Variants in APH1A observed in about 807,000 individuals in gnomAD.
The protein encoded by APH1A is gamma-secretase subunit APH-1A.
APH1A carries 16 observed loss-of-function variants against 30.3 expected under a neutral mutation model. The ratio of observed to expected loss-of-function variants is 0.53; its 90% CI spans 0.36 to 0.80. APH1A has a LOEUF of 0.80. Among genes scored for constraint, APH1A ranks in the 30% least tolerant of loss-of-function variants. APH1A has a pLI of 0.01. For synonymous variants in APH1A, 144 were observed against 140.1 expected, an observed-to-expected ratio of 1.03 and a Z score of -0.20; for missense variants, 245 against 337.8, an observed-to-expected ratio of 0.73 and a Z score of 2.15.
chr1:150,266,884 C>T lies in APH1A; in HGVS notation c.609+191G>A. ...TCAGGCCCTCTGCATTACAGTTTGACTAATCCTTTCAACCTCCTCCCCAGA... is the reference window on the plus strand; with the variant it reads ...TCAGGCCCTCTGCATTACAGTTTGATTAATCCTTTCAACCTCCTCCCCAGA... On this transcript the variant is annotated intron_variant, in intron 5 of 6. Transcript: ENST00000369109. The T allele has an allele frequency of 2.7e-6, 3 of 1,098,240 alleles. No homozygotes were observed. The South Asian group carries it at 4.9e-5, about 18-fold the overall frequency. 68.0% of individuals were successfully genotyped at this position (1,098,240 alleles called of 1,614,324 possible).
Position 150,266,166 on chromosome 1 carries a change from C to T in APH1A, c.762G>A (p.Met254Ile), listed in dbSNP as rs1553849777. 6.2e-7 allele frequency: 1 copy of T among 1,603,976 alleles called. No individual in the cohort carries two copies. The highest frequency in any genetic ancestry group is 8.5e-7 in the Non-Finnish European group (1 of 1,175,344). Residue 254 changes from methionine (M) to isoleucine (I), a missense_variant, in exon 7 of 7, where the codon ATG becomes ATA. Physicochemically the swap from Met to Ile is conservative, Grantham distance 10. Coordinates refer to ENST00000369109, the MANE Select transcript of APH1A (RefSeq NM_001077628.3). ...LCRRQEDSRV[M>I]VYSALRIPPE... Reference sequence around the variant, plus strand: ...GTGGGATGCGCAGGGCAGAATACACCATCACCCGACTGTCCTCCTGCCGTC... The same window carrying T: ...GTGGGATGCGCAGGGCAGAATACACTATCACCCGACTGTCCTCCTGCCGTC...
In APH1A at chr1:150,266,042, C is replaced by A. The variant is rs1354581814; in HGVS notation, c.*88G>T. ...TAAACTAGGTCCCTTTTCTTGGCAA[C>A]CTGCACTGTCCAGAACTGGAGATGG... On this transcript the variant is annotated 3_prime_UTR_variant, in exon 7 of 7. Transcript: ENST00000369109. 2.1e-5 allele frequency: 31 copies of A among 1,477,366 alleles called. No homozygotes were observed. Among genetic ancestry groups the A allele is most frequent in the South Asian group, 1.0e-4 (8 of 77,062 alleles). The allele number at this position is 1,477,366 out of a possible 1,614,324, so 91.5% of individuals were successfully genotyped here.
Position 150,266,671 on chromosome 1 carries a change from A to T in APH1A, c.610-15T>A, listed in dbSNP as rs1553849987. On this transcript the variant is annotated splice_polypyrimidine_tract_variant and intron_variant, in intron 5 of 6. Transcript: ENST00000369109. ...TTCAGGAATGTCTAGGAAGGAGGGT[A>T]AGAGTAGGAAAGAGATTAGATTCTC... is the stretch of plus-strand genomic sequence containing the variant. 6.2e-7 allele frequency: 1 copy of T among 1,613,310 alleles called. No homozygotes were observed. Among genetic ancestry groups the T allele is most frequent in the Non-Finnish European group, 8.5e-7 (1 of 1,179,534 alleles).
At chr1:150,267,508 A>G (rs1344886255) in intron 3 of APH1A, 30 bp from the exon 4 acceptor site, 1 of 1,612,430 alleles carries the variant, frequency 6.2e-7, no homozygotes, top group East Asian at 2.2e-5. Flanking sequence ...CATCAATGTC[A>G]GAGATCACAC....
Position 150,265,963 on chromosome 1 carries a change from C to T in APH1A, c.*167G>A. ...CCAGTCTTGAGGGAGTACTGAGAAA[C>T]TCAGAGCTCATCTATCCTTGAGCCT... On this transcript the variant is annotated 3_prime_UTR_variant, in exon 7 of 7. Coordinates refer to ENST00000369109, the MANE Select transcript of APH1A (RefSeq NM_001077628.3). 1.2e-6 allele frequency: 1 copy of T among 810,540 alleles called. No homozygotes were observed. The allele number at this position is 810,540 out of a possible 1,614,324, so 50.2% of individuals were successfully genotyped here.
chr1:150,268,923 T>A lies in APH1A; in HGVS notation c.-113A>T. The A allele has an allele frequency of 1.1e-6, 1 of 876,624 alleles. No individual in the cohort carries two copies. The highest frequency in any genetic ancestry group is 1.7e-5 in the African/African-American group (1 of 58,562). The allele number at this position is 876,624 out of a possible 1,614,324, so 54.3% of individuals were successfully genotyped here. A position where few individuals can be genotyped will look rare whatever the true frequency, so the allele number is the denominator to read the frequency against. On this transcript the variant is annotated 5_prime_UTR_variant, in exon 1 of 7. Coordinates refer to ENST00000369109, the MANE Select transcript of APH1A (RefSeq NM_001077628.3). ...CAACGCGACCCCACGAGGGGCGCGG[T>A]GCAATGTCACCCCCAGACCCCGGGG...
At position 150,266,043 on chromosome 1, in the gene APH1A, C is replaced by G. The variant is rs1651671380; in HGVS notation, c.*87G>C. On this transcript the variant is annotated 3_prime_UTR_variant, in exon 7 of 7. Transcript: ENST00000369109. The stretch of plus-strand genomic sequence containing the variant: ...AAACTAGGTCCCTTTTCTTGGCAAC[C>G]TGCACTGTCCAGAACTGGAGATGGA... 1 of 1,480,268 alleles carries G rather than the reference C, an allele frequency of 6.8e-7. No homozygotes were observed. Among genetic ancestry groups the G allele is most frequent in the South Asian group, 1.3e-5 (1 of 77,296 alleles). 91.7% of individuals were successfully genotyped at this position (1,480,268 alleles called of 1,614,324 possible).
intron 5 of APH1A, 84 bp downstream of exon 5, chr1:150,266,991 A>G: frequency 1.3e-6 from 2 of 1,570,574 alleles, no homozygotes; most frequent in Non-Finnish European, 1.7e-6. Flanking sequence ...TAAAAATGTT[A>G]AGAAGTGAGG....
chr1:150,267,495 T>A lies in APH1A; in HGVS notation c.359-17A>T. 2 of 1,613,342 alleles carry A rather than the reference T, an allele frequency of 1.2e-6. No homozygotes were observed. Among genetic ancestry groups the A allele is most frequent in the Non-Finnish European group, 1.7e-6 (2 of 1,179,636 alleles). ...GACCAGAAACTGGGGGAAGGGAGGA[T>A]CTCATCAATGTCAGAGATCACACTA... On this transcript the variant is annotated splice_polypyrimidine_tract_variant and intron_variant, in intron 3 of 6. Transcript: ENST00000369109.
intron 1 of APH1A, 168 bp downstream of exon 1, chr1:150,268,530 A>G (rs1200917141): frequency 1.8e-5 from 12 of 673,880 alleles, no homozygotes; most frequent in Non-Finnish European, 3.0e-5. Flanking sequence ...GGTGGAAACC[A>G]ACTGCGGGAA....
chr1:150,268,358 A>G, intron 1 of APH1A: 1 of 623,934 alleles, frequency 1.6e-6, no homozygotes, highest in Non-Finnish European at 2.7e-6. Flanking sequence ...TGACAGCCAG[A>G]GTGTGCGAGC....
chr1:150,267,613 T>C, intron 3 of APH1A, 103 bp downstream of exon 3: 2 of 1,572,372 alleles, frequency 1.3e-6, no homozygotes, highest in Non-Finnish European at 1.7e-6. Context: ...AAGTGACGGA[T>C]GAAGGAAAGT....
Position 150,267,075 on chromosome 1 carries a change from C to T in APH1A, c.609G>A (p.Leu203=). 1 of 1,614,100 alleles carries T rather than the reference C, an allele frequency of 6.2e-7. No individual in the cohort carries two copies. ...ACTCAGGCCCCTGTCTCCAACTCAC[C>T]AGTCCCGATGTCAGTAGGTGACTCC... ...VVGSHLLTSG[L]TFLNPWYEAS... The change falls in exon 5 of 7, where the codon CTG becomes CTA. Residue 203 remains leucine (L), a splice_region_variant and synonymous_variant. Transcript: ENST00000369109.
chr1:150,268,367 G>C, intron 1 of APH1A: 1 of 613,210 alleles, frequency 1.6e-6, no homozygotes, highest in Non-Finnish European at 2.8e-6. Context: ...GAGTGTGCGA[G>C]CACGGAAGGG....
chr1:150,268,958 G>T lies in APH1A; in HGVS notation c.-148C>A, dbSNP rs1317652512. The T allele has an allele frequency of 4.7e-6, 3 of 640,906 alleles. No homozygotes were observed. Among genetic ancestry groups the T allele is most frequent in the Non-Finnish European group, 8.1e-6 (3 of 370,978 alleles). 39.7% of individuals were successfully genotyped at this position (640,906 alleles called of 1,614,324 possible). ...CCCCCAGACCCCGGGGAAGGGGAAGGGGGGGAACCGAAACCCCAAATGAAG... is the reference window on the plus strand; with the variant it reads ...CCCCCAGACCCCGGGGAAGGGGAAGTGGGGGAACCGAAACCCCAAATGAAG... On this transcript the variant is annotated 5_prime_UTR_variant, in exon 1 of 7. Coordinates refer to ENST00000369109, the MANE Select transcript of APH1A (RefSeq NM_001077628.3).
Position 150,267,938 on chromosome 1 carries a change from G to T in APH1A, c.284+19C>A, listed in dbSNP as rs782154484. On this transcript the variant is annotated intron_variant, in intron 2 of 6. Coordinates refer to ENST00000369109, the MANE Select transcript of APH1A (RefSeq NM_001077628.3). ...CAGTCCTTTGCCCCTCTCCCCTCCA[G>T]ACCACTCCATCTTCTTACTTAAGCA... is the stretch of plus-strand genomic sequence containing the variant. 2 of 1,613,858 alleles carry T rather than the reference G, an allele frequency of 1.2e-6. No individual in the cohort carries two copies. The highest frequency in any genetic ancestry group is 2.2e-5 in the East Asian group (1 of 44,878).
At chr1:150,268,656 T>C in intron 1 of APH1A, 42 bp downstream of exon 1, 4 of 1,569,170 alleles carry the variant, frequency 2.5e-6, no homozygotes, top group Non-Finnish European at 3.5e-6. Flanking sequence ...TCCGCACCTC[T>C]CTCTTCGACG....
At position 150,268,038 on chromosome 1, in the gene APH1A, T is replaced by C; in HGVS notation, c.203A>G (p.Gln68Arg). 6.2e-7 allele frequency: 1 copy of C among 1,614,118 alleles called. No individual in the cohort carries two copies. The highest frequency in any genetic ancestry group is 2.2e-5 in the East Asian group (1 of 44,876). The stretch of plus-strand genomic sequence containing the variant: ...AGCACCAAAAATCAGGAGGCCGTAC[T>C]GGAGCCGGGCATCTGACCGGTCGGT... ...HVTDRSDARL[Q>R]YGLLIFGAAV... The change falls in exon 2 of 7, where the codon CAG becomes CGG. Residue 68 changes from glutamine to arginine, a missense_variant. Physicochemically the swap from Gln to Arg is conservative, Grantham distance 43. Coordinates refer to ENST00000369109, the MANE Select transcript of APH1A (RefSeq NM_001077628.3).
chr1:150,268,044 C>T lies in APH1A; in HGVS notation c.197G>A (p.Arg66Gln). 2.5e-6 allele frequency: 4 copies of T among 1,614,146 alleles called. No individual in the cohort carries two copies. Among genetic ancestry groups the T allele is most frequent in the Non-Finnish European group, 2.5e-6 (3 of 1,180,032 alleles). ...LVHVTDRSDA[R>Q]LQYGLLIFGA... ...AAAAATCAGGAGGCCGTACTGGAGCCGGGCATCTGACCGGTCGGTCACATG... is the reference window on the plus strand; with the variant it reads ...AAAAATCAGGAGGCCGTACTGGAGCTGGGCATCTGACCGGTCGGTCACATG... The change falls in exon 2 of 7, where the codon CGG (arginine) becomes CAG (glutamine). Residue 66 changes from arginine (R) to glutamine (Q), a missense_variant. By Grantham distance (43) the Arg-to-Gln change is conservative. Coordinates refer to ENST00000369109, the MANE Select transcript of APH1A (RefSeq NM_001077628.3).
Sources: allele counts gnomAD v4.1 joint callset, GRCh38; gene constraint gnomAD v4.1.1; transcripts MANE v1.5; gene names NCBI Gene and HGNC (gene_info 2026-07-23, HGNC 2026-07-21).